Variants in GDF1 observed in about 807,000 individuals in gnomAD.
The protein encoded by GDF1 is embryonic growth/differentiation factor 1.
A neutral mutation model predicts 7.4 loss-of-function variants in GDF1; 8 were observed. That is an observed-to-expected ratio of 1.09 (90% CI 0.64 to 1.96). The LOEUF (loss-of-function observed/expected upper bound fraction) is 1.96, where lower values mean the gene tolerates loss of function less well. Among genes scored for constraint, GDF1 ranks in the 30% most tolerant of loss-of-function variants. The probability of loss-of-function intolerance (pLI) is 0.00; values close to 1 mark genes in which losing one functional copy is unlikely to be tolerated. For missense variants in GDF1, 574 were observed against 551.5 expected (o/e 1.04, Z -0.41); for synonymous variants, 311 against 276.7 (o/e 1.12, Z -1.23).
At chr19:18,876,959 T>C (rs1048436250) in intron 6 of GDF1, among the ~76,000 whole-genome samples, 7 of 152,182 alleles carry the variant, frequency 4.6e-5, no homozygotes, top group Non-Finnish European at 1.0e-4. Context: ...TGACCCTGGA[T>C]TGTTCCTCGG....
Position 18,870,189 on chromosome 19 carries a change from A to G in GDF1, c.119T>C (p.Leu40Pro). Residue 40 changes from leucine (L) to proline (P), a missense_variant, in exon 7 of 8, where the codon CTC (leucine) becomes CCC (proline). Leu to Pro is a moderately conservative substitution (Grantham distance 98). Coordinates refer to ENST00000247005, the MANE Select transcript of GDF1 (RefSeq NM_001492.6). This position sits in a 1 kb window ranked among gnomAD's most constrained non-coding sequence, Gnocchi z 5.1. ...PVPPGPAAAL[L>P]QALGLRDEPQ... Reference sequence around the variant, plus strand: ...CTCATCGCGCAGTCCTAGAGCCTGGAGCAGGGCGGCGGCTGGGCCTGGGGG... The same window carrying G: ...CTCATCGCGCAGTCCTAGAGCCTGGGGCAGGGCGGCGGCTGGGCCTGGGGG... The G allele has an allele frequency of 6.4e-7, 1 of 1,563,336 alleles. No homozygotes were observed. The highest frequency in any genetic ancestry group is 8.6e-7 in the Non-Finnish European group (1 of 1,161,952).
intron 3 of GDF1, among the ~76,000 whole-genome samples, chr19:18,882,438 G>A (rs1474359120): frequency 6.6e-6 from 1 of 151,494 alleles, no homozygotes; most frequent in African/African-American, 2.4e-5. Context: ...TTCGAGTCCA[G>A]CCTGGCCAAC....
chr19:18,869,860 A>T (rs2055932579), intron 7 of GDF1, 123 bp downstream of exon 7: 2 of 925,744 alleles, frequency 2.2e-6, no homozygotes, highest in Non-Finnish European at 3.4e-6. Context: ...CGAAGTTGCT[A>T]GTAGCCTGGA....
intron 5 of GDF1, 26 bp from the exon 6 acceptor site, chr19:18,879,065 G>A: frequency 6.2e-7 from 1 of 1,610,676 alleles, no homozygotes; most frequent in South Asian, 1.1e-5. Flanking sequence ...GGAGGTGCCA[G>A]TGAGAAGAAA....
chr19:18,875,142 G>A (rs1006979794), intron 6 of GDF1, among the ~76,000 whole-genome samples: 5 of 151,414 alleles, frequency 3.3e-5, no homozygotes, highest in African/African-American at 9.7e-5. Flanking sequence ...AGGCTGAGGC[G>A]GCAGGATCAC....
At chr19:18,876,535 GT>G (rs762290639) in intron 6 of GDF1, among the ~76,000 whole-genome samples, 1 of 66,744 alleles carries the variant, frequency 1.5e-5, no homozygotes, top group Non-Finnish European at 2.8e-5. Flanking sequence ...TTTTGATTGG[GT>G]TGTGTGTGTG....
intron 6 of GDF1, among the ~76,000 whole-genome samples, chr19:18,871,731 A>G (rs1305843852): frequency 7.2e-5 from 11 of 152,100 alleles, no homozygotes; most frequent in Admixed American, 7.2e-4. Context: ...GGCTGTCCCC[A>G]TCCAAGGACT....
At chr19:18,893,204 C>T (rs893541057) in intron 2 of GDF1, among the ~76,000 whole-genome samples, 2 of 151,246 alleles carry the variant, frequency 1.3e-5, no homozygotes, top group South Asian at 2.1e-4. Flanking sequence ...TGAGCCACTG[C>T]GCCTGGCCCT....
chr19:18,869,017 G>A lies in GDF1; in HGVS notation c.699C>T (p.Ala233=). 1 of 1,089,466 alleles carries A rather than the reference G, an allele frequency of 9.2e-7. No individual in the cohort carries two copies. Among genetic ancestry groups the A allele is most frequent in the Non-Finnish European group, 1.1e-6 (1 of 897,668 alleles). 67.5% of individuals were successfully genotyped at this position (1,089,466 alleles called of 1,614,324 possible). A position where few individuals can be genotyped will look rare whatever the true frequency, so the allele number is the denominator to read the frequency against. The change falls in exon 8 of 8, where the codon GCC becomes GCT. Residue 233 remains alanine, a synonymous_variant. Coordinates refer to ENST00000247005, the MANE Select transcript of GDF1 (RefSeq NM_001492.6). ...APAACARLAE[A]SLLLVTLDPR... ...GGTCGAGGGTCACCAGCAGCAGCGA[G>A]GCCTCGGCCAGGCGCGCGCAGGCGG...
chr19:18,896,122 C>G lies in GDF1; in HGVS notation c.-1372G>C. On this transcript the variant is annotated 5_prime_UTR_variant, in exon 1 of 8. Transcript: ENST00000247005. The surrounding 1 kb of genome is among the most constrained non-coding windows in gnomAD (Gnocchi z 5.9). ...GTCGCCTGCGCCCGCCCGCGGTAGC[C>G]GACGGAGCCGCGCGCCCCGCGTCAC... The G allele has an allele frequency of 2.0e-5, 15 of 741,948 alleles. No individual in the cohort carries two copies. Among genetic ancestry groups the G allele is most frequent in the Non-Finnish European group, 2.3e-5 (14 of 610,608 alleles). The allele number at this position is 741,948 out of a possible 1,614,324, so 46.0% of individuals were successfully genotyped here. A position where few individuals can be genotyped will look rare whatever the true frequency, so the allele number is the denominator to read the frequency against.
chr19:18,869,207 G>C lies in GDF1; in HGVS notation c.509C>G (p.Ala170Gly). 1 of 1,275,650 alleles carries C rather than the reference G, an allele frequency of 7.8e-7. No homozygotes were observed. Among genetic ancestry groups the C allele is most frequent in the South Asian group, 2.2e-5 (1 of 45,564 alleles). The allele number at this position is 1,275,650 out of a possible 1,614,324, so 79.0% of individuals were successfully genotyped here. A position where few individuals can be genotyped will look rare whatever the true frequency, so the allele number is the denominator to read the frequency against. Reference sequence around the variant, plus strand: ...GGGGTCCGCGCCCGCGCCCTGGCCCGCTTGCGCCACGCTCAGCTCCCAGCC... The same window carrying C: ...GGGGTCCGCGCCCGCGCCCTGGCCCCCTTGCGCCACGCTCAGCTCCCAGCC... ...EGGWELSVAQAGQGAGADPGP... is the reference protein window; with the variant it reads ...EGGWELSVAQGGQGAGADPGP... The change falls in exon 8 of 8, where the codon GCG (alanine) becomes GGG (glycine). Residue 170 changes from alanine (A) to glycine (G), a missense_variant. Coordinates refer to ENST00000247005, the MANE Select transcript of GDF1 (RefSeq NM_001492.6).
At chr19:18,880,803 T>C (rs117387811) in intron 3 of GDF1, among the ~76,000 whole-genome samples, 5,198 of 151,930 alleles carry the variant, frequency 0.034, 116 homozygotes, top group Non-Finnish European at 0.04. Context: ...GCTCAAGTGA[T>C]CCTCCCACCT....
intron 2 of GDF1, among the ~76,000 whole-genome samples, chr19:18,891,861 G>A (rs1004555431): frequency 4.8e-5 from 7 of 147,138 alleles, no homozygotes; most frequent in African/African-American, 1.3e-4. Flanking sequence ...GTGAGCCAGT[G>A]AGCCACCACG....
At chr19:18,869,701 C>T (rs1477241875) in intron 7 of GDF1, among the ~76,000 whole-genome samples, 8 of 119,458 alleles carry the variant, frequency 6.7e-5, no homozygotes, top group Non-Finnish European at 1.3e-4. Flanking sequence ...GGGATGGCAT[C>T]TGCAGGAAGG....
intron 6 of GDF1, among the ~76,000 whole-genome samples, chr19:18,874,414 C>T (rs144897473): frequency 0.012 from 1,887 of 152,324 alleles, 37 homozygotes; most frequent in African/African-American, 0.043. Flanking sequence ...AGCCATCCTC[C>T]AGCCTCGGCC....
chr19:18,890,878 CTT>C, intron 2 of GDF1, among the ~76,000 whole-genome samples: 1 of 151,224 alleles, frequency 6.6e-6, no homozygotes. Flanking sequence ...AATCCTGACA[CTT>C]TGGGAGGCTG....
chr19:18,871,865 C>A (rs920724259), intron 6 of GDF1, among the ~76,000 whole-genome samples: 6 of 152,196 alleles, frequency 3.9e-5, no homozygotes, highest in Admixed American at 3.3e-4. Context: ...TGTGGCTTCT[C>A]GATTCTTCCC....
intron 2 of GDF1, among the ~76,000 whole-genome samples, chr19:18,885,580 C>T (rs1478692770): frequency 1.4e-5 from 2 of 141,852 alleles, no homozygotes; most frequent in African/African-American, 2.7e-5. Flanking sequence ...AGTGCAGTGG[C>T]GGGATCTCGG....
chr19:18,895,714 A>G lies in GDF1; in HGVS notation c.-1074+110T>C. The G allele has an allele frequency of 1.9e-6, 1 of 527,218 alleles. No individual in the cohort carries two copies. Among genetic ancestry groups the G allele is most frequent in the South Asian group, 5.7e-5 (1 of 17,480 alleles). 32.7% of individuals were successfully genotyped at this position (527,218 alleles called of 1,614,324 possible). A position where few individuals can be genotyped will look rare whatever the true frequency, so the allele number is the denominator to read the frequency against. ...CCACCCACGTTCCGGCGACCCCTTC[A>G]TCCGCAGCAGCCAGCGCTGGAAGAA... On this transcript the variant is annotated intron_variant, in intron 1 of 7. Coordinates refer to ENST00000247005, the MANE Select transcript of GDF1 (RefSeq NM_001492.6). This position sits in a 1 kb window ranked among gnomAD's most constrained non-coding sequence, Gnocchi z 6.4.
Sources: gnomAD v4.1 joint callset for allele counts (sites outside exome capture counted in the v4.1 genomes callset) on GRCh38, gnomAD v4.1.1 for gene constraint, Gnocchi (gnomAD v3.1) non-coding constraint, MANE v1.5 for transcripts, NCBI Gene and HGNC (gene_info 2026-07-23, HGNC 2026-07-21) for gene names.